GTF2IRD1: variants seen among roughly 807,000 people sequenced by gnomAD.
GTF2IRD1 encodes general transcription factor II-I repeat domain-containing protein 1.
GTF2IRD1 carries 26 observed loss-of-function variants against 113.2 expected under a neutral mutation model. That is an observed-to-expected ratio of 0.23 (90% confidence interval 0.17 to 0.32). The LOEUF (loss-of-function observed/expected upper bound fraction) is 0.32, where lower values mean the gene tolerates loss of function less well. Ranked by LOEUF, GTF2IRD1 falls within the 10% of genes least tolerant of loss-of-function variation. The probability of loss-of-function intolerance (pLI) is 1.00; values close to 1 mark genes in which losing one functional copy is unlikely to be tolerated. For synonymous variants in GTF2IRD1, 484 were observed against 529.1 expected (o/e 0.91, Z 1.17); for missense variants, 864 against 1,280.8 (o/e 0.67, Z 4.97).
chr7:74,547,072 G>C (rs782167482), intron 16 of GTF2IRD1, 31 bp from the exon 17 acceptor site: 1 of 1,595,288 alleles, frequency 6.3e-7, no homozygotes, highest in Non-Finnish European at 8.6e-7. Flanking sequence ...CTGTGGCACC[G>C]GGTGGCCCTA....
At chr7:74,568,634 C>T (rs1422394706) in intron 22 of GTF2IRD1, among the ~76,000 whole-genome samples, 15 of 151,698 alleles carry the variant, frequency 9.9e-5, no homozygotes, top group African/African-American at 3.2e-4. Context: ...TGCGACAGAG[C>T]GAGACTCTGT....
At chr7:74,539,469 C>T (rs1252439904) in intron 13 of GTF2IRD1, among the ~76,000 whole-genome samples, 12 of 151,982 alleles carry the variant, frequency 7.9e-5, no homozygotes, top group East Asian at 3.9e-4. Flanking sequence ...AATGACTGGG[C>T]GCAGTGGCTC....
At chr7:74,588,611 A>G (rs181144656) in intron 22 of GTF2IRD1, among the ~76,000 whole-genome samples, 18 of 151,654 alleles carry the variant, frequency 1.2e-4, no homozygotes. Flanking sequence ...GCTCACTGCA[A>G]CCTCCACCTT....
intron 1 of GTF2IRD1, among the ~76,000 whole-genome samples, chr7:74,477,353 T>G (rs1196714373): frequency 8.0e-6 from 1 of 125,008 alleles, no homozygotes; most frequent in African/African-American, 2.8e-5. Context: ...GACAGTTTTT[T>G]TTTTGTGTCC....
chr7:74,548,175 T>C (rs1799072052), intron 17 of GTF2IRD1, among the ~76,000 whole-genome samples: 1 of 151,958 alleles, frequency 6.6e-6, no homozygotes. Flanking sequence ...CCCAGCACTT[T>C]GGGAGGCTGA....
At chr7:74,462,500 C>CG (rs1412323065) in intron 1 of GTF2IRD1, among the ~76,000 whole-genome samples, 1 of 152,184 alleles carries the variant, frequency 6.6e-6, no homozygotes, top group Non-Finnish European at 1.5e-5. Flanking sequence ...GCTGGGTACA[C>CG]GGGTAGCTGG....
chr7:74,549,160 C>A (rs1799138094), intron 17 of GTF2IRD1, among the ~76,000 whole-genome samples: 1 of 151,922 alleles, frequency 6.6e-6, no homozygotes, highest in Non-Finnish European at 1.5e-5. Flanking sequence ...TGTGGTGGCT[C>A]ACACCTGTAA....
intron 22 of GTF2IRD1, among the ~76,000 whole-genome samples, chr7:74,574,150 ATTTTTTTT>A (rs71094796): frequency 4.2e-4 from 44 of 104,816 alleles, no homozygotes; most frequent in African/African-American, 1.5e-3. Flanking sequence ...CACCAAGCTA[ATTTTTTTT>A]TTTTTTTTTT....
At chr7:74,551,632 A>G (rs1465432951) in intron 17 of GTF2IRD1, among the ~76,000 whole-genome samples, 1 of 152,074 alleles carries the variant, frequency 6.6e-6, no homozygotes, top group African/African-American at 2.4e-5. Flanking sequence ...AGGGCCAGCC[A>G]GGTGCATAAA....
At chr7:74,495,002 G>A (rs1329016709) in intron 1 of GTF2IRD1, among the ~76,000 whole-genome samples, 1 of 152,210 alleles carries the variant, frequency 6.6e-6, no homozygotes, top group African/African-American at 2.4e-5. Flanking sequence ...CAATCCTTCT[G>A]CCTCAGCCTC....
intron 17 of GTF2IRD1, among the ~76,000 whole-genome samples, chr7:74,550,634 G>A (rs781886665): frequency 6.6e-5 from 10 of 151,490 alleles, no homozygotes; most frequent in Non-Finnish European, 7.4e-5. Flanking sequence ...CCGTCCAGGC[G>A]TGATGGCTCA....
At position 74,590,847 on chromosome 7, in the gene GTF2IRD1, G is replaced by A; in HGVS notation, c.2421G>A (p.Arg807=). 1.2e-6 allele frequency: 2 copies of A among 1,609,302 alleles called. No individual in the cohort carries two copies. The change falls in exon 24 of 27, where the codon CGG becomes CGA. Residue 807 remains arginine (R), a synonymous_variant. Transcript: ENST00000424337. ...EKYGEALGLN[R]PVLVPYKLIR... ...TAGGTGAGGCCCTGGGCCTGAACCG[G>A]CCGGTGCTGGTCCCTTATAAACTAA...
chr7:74,549,583 G>T (rs1415230977), intron 17 of GTF2IRD1, among the ~76,000 whole-genome samples: 1 of 152,184 alleles, frequency 6.6e-6, no homozygotes, highest in Non-Finnish European at 1.5e-5. Context: ...TGCAGTAGAA[G>T]CAAAGGCTTC....
chr7:74,554,054 CCCTGAGAGTTTGG>C (rs1176847712), intron 17 of GTF2IRD1, among the ~76,000 whole-genome samples: 10 of 152,190 alleles, frequency 6.6e-5, no homozygotes, highest in Admixed American at 6.5e-4. Context: ...GGGGTGCCCT[CCCTGAGAGTTTGG>C]CCTTTGGGCT....
intron 22 of GTF2IRD1, among the ~76,000 whole-genome samples, chr7:74,566,532 G>T (rs1202142672): frequency 2.0e-5 from 3 of 152,168 alleles, no homozygotes; most frequent in African/African-American, 7.2e-5. Flanking sequence ...AGTAGAGACG[G>T]GGTTTTGCCA....
intron 22 of GTF2IRD1, among the ~76,000 whole-genome samples, chr7:74,577,940 TG>T (rs1236200372): frequency 1.3e-5 from 2 of 152,076 alleles, no homozygotes; most frequent in African/African-American, 4.8e-5. Context: ...CCCAAGTAGC[TG>T]GGACTATAGC....
chr7:74,581,496 C>A (rs1344659628), intron 22 of GTF2IRD1, among the ~76,000 whole-genome samples: 12 of 152,210 alleles, frequency 7.9e-5, no homozygotes, highest in African/African-American at 2.9e-4. Context: ...GTGTCCTCAG[C>A]AGCTCTCTGA....
intron 1 of GTF2IRD1, among the ~76,000 whole-genome samples, chr7:74,502,099 C>T (rs782544710): frequency 7.9e-5 from 12 of 152,106 alleles, no homozygotes; most frequent in Non-Finnish European, 1.5e-4. Context: ...GGCATACACC[C>T]GGCTAATTTC....
chr7:74,542,383 G>A (rs1798683937), intron 14 of GTF2IRD1, among the ~76,000 whole-genome samples: 1 of 152,158 alleles, frequency 6.6e-6, no homozygotes, highest in Non-Finnish European at 1.5e-5. Context: ...GCAACAGAGT[G>A]AAATTCTATC....
Sources: gnomAD v4.1 joint callset for allele counts (sites outside exome capture counted in the v4.1 genomes callset) on GRCh38, gnomAD v4.1.1 for gene constraint, MANE v1.5 for transcripts, NCBI Gene and HGNC (gene_info 2026-07-23, HGNC 2026-07-21) for gene names.